Variants in TIMD4 observed in about 807,000 individuals in gnomAD.
The protein encoded by TIMD4 is T-cell immunoglobulin and mucin domain-containing protein 4.
In TIMD4, 31 loss-of-function variants were observed where a neutral mutation model predicts 41.2. The observed-to-expected ratio is 0.75, with a 90% CI of 0.57 to 1.01. The LOEUF (loss-of-function observed/expected upper bound fraction) is 1.01. Among genes scored for constraint, TIMD4 ranks in the 50% least tolerant of loss-of-function variants. The pLI, the probability that TIMD4 is intolerant of heterozygous loss-of-function variation, is 0.00. For synonymous variants in TIMD4, 204 were observed against 177.1 expected, an observed-to-expected ratio of 1.15 and a Z score of -1.21; for missense variants, 479 against 472.5, an observed-to-expected ratio of 1.01 and a Z score of -0.13.
intron 8 of TIMD4, 68 bp downstream of exon 8, chr5:156,920,396 A>G (rs1013396188): frequency 9.9e-6 from 15 of 1,512,158 alleles, no homozygotes; most frequent in Non-Finnish European, 1.3e-5. Context: ...TAAACCACTG[A>G]GTAGTAGCTA....
intron 2 of TIMD4, among the ~76,000 whole-genome samples, chr5:156,952,616 T>C (rs1424840578): frequency 6.6e-6 from 1 of 152,232 alleles, no homozygotes; most frequent in African/African-American, 2.4e-5. Context: ...AGCTAAAGGT[T>C]ACTTCTGCAA....
intron 5 of TIMD4, among the ~76,000 whole-genome samples, chr5:156,930,830 G>A (rs1026204187): frequency 6.6e-6 from 1 of 152,176 alleles, no homozygotes; most frequent in Non-Finnish European, 1.5e-5. Flanking sequence ...TGGAGACTGT[G>A]GTCAGCAAAA....
At chr5:156,925,605 C>A (rs1367559363) in intron 6 of TIMD4, among the ~76,000 whole-genome samples, 1 of 152,208 alleles carries the variant, frequency 6.6e-6, no homozygotes, top group African/African-American at 2.4e-5. Context: ...ATAAAAATAG[C>A]ACCCTCAGAA....
At chr5:156,940,399 G>A (rs577512105) in intron 5 of TIMD4, among the ~76,000 whole-genome samples, 33 of 151,684 alleles carry the variant, frequency 2.2e-4, no homozygotes, top group East Asian at 9.7e-4. Flanking sequence ...AGTGAGGAGC[G>A]TCTCTGCCTG....
At chr5:156,923,682 G>A (rs1305388658) in intron 6 of TIMD4, among the ~76,000 whole-genome samples, 1 of 151,682 alleles carries the variant, frequency 6.6e-6, no homozygotes, top group Non-Finnish European at 1.5e-5. Flanking sequence ...GGGACTACAG[G>A]CATGCATCAC....
intron 5 of TIMD4, among the ~76,000 whole-genome samples, chr5:156,946,051 G>A (rs1044663830): frequency 6.6e-6 from 1 of 152,128 alleles, no homozygotes; most frequent in Non-Finnish European, 1.5e-5. Context: ...TCTGGGATTT[G>A]GTCAAGGAGG....
intron 5 of TIMD4, among the ~76,000 whole-genome samples, chr5:156,930,461 C>T (rs1460936416): frequency 6.6e-6 from 1 of 152,116 alleles, no homozygotes; most frequent in Non-Finnish European, 1.5e-5. Flanking sequence ...AGTTCAAGTG[C>T]CTTGTACCAT....
chr5:156,924,162 G>A, intron 6 of TIMD4: 2 of 428,832 alleles, frequency 4.7e-6, no homozygotes, highest in Non-Finnish European at 9.0e-6. Flanking sequence ...ACCAGCCTGA[G>A]CCTACTCACC....
At chr5:156,936,881 G>A (rs1013929927) in intron 5 of TIMD4, among the ~76,000 whole-genome samples, 7 of 149,298 alleles carry the variant, frequency 4.7e-5, no homozygotes, top group Admixed American at 1.3e-4. Context: ...GCAGTGAGCC[G>A]AGATGGCGCC....
intron 5 of TIMD4, among the ~76,000 whole-genome samples, chr5:156,928,764 C>T (rs1759394847): frequency 6.6e-6 from 1 of 152,138 alleles, no homozygotes; most frequent in Non-Finnish European, 1.5e-5. Context: ...TTTTCATATC[C>T]TAGAACTAAG....
At chr5:156,950,694 G>A (rs1164545434) in intron 3 of TIMD4, among the ~76,000 whole-genome samples, 2 of 151,688 alleles carry the variant, frequency 1.3e-5, no homozygotes, top group Admixed American at 1.3e-4. Flanking sequence ...AATTCCAGGG[G>A]AAAAAAAAGA....
Position 156,961,001 on chromosome 5 carries a change from G to C in TIMD4, c.58+2140C>G, listed in dbSNP as rs965953540. 4.6e-4 allele frequency among the ~76,000 whole-genome samples: 70 copies of C among 152,232 alleles called. 1 individual carries two copies. Among genetic ancestry groups the C allele is most frequent in the African/African-American group, 1.7e-3 (70 of 41,460 alleles). ...GCATGGCACTACGGAGGAAAGAAAG[G>C]CAGAGAGAATAGTACAAGTTTGAGA... On this transcript the variant is annotated intron_variant, in intron 1 of 8. Coordinates refer to ENST00000274532, the MANE Select transcript of TIMD4 (RefSeq NM_138379.3).
chr5:156,960,627 A>G (rs1760062549), intron 1 of TIMD4, among the ~76,000 whole-genome samples: 1 of 152,094 alleles, frequency 6.6e-6, no homozygotes, highest in South Asian at 2.1e-4. Flanking sequence ...GGCTGGTCAC[A>G]AATTCCTGAC....
intron 5 of TIMD4, among the ~76,000 whole-genome samples, chr5:156,929,003 C>A (rs1336542115): frequency 6.6e-6 from 1 of 152,188 alleles, no homozygotes; most frequent in African/African-American, 2.4e-5. Flanking sequence ...TTTGCAAACA[C>A]AAATGCTGCT....
At chr5:156,961,101 T>C (rs926385173) in intron 1 of TIMD4, among the ~76,000 whole-genome samples, 9 of 152,204 alleles carry the variant, frequency 5.9e-5, no homozygotes, top group Non-Finnish European at 1.3e-4. Flanking sequence ...TTTCTGCACA[T>C]ACAAAGAGCC....
At chr5:156,961,572 G>GT (rs1753048947) in intron 1 of TIMD4, among the ~76,000 whole-genome samples, 1 of 151,968 alleles carries the variant, frequency 6.6e-6, no homozygotes, top group East Asian at 1.9e-4. Context: ...GGAGGCCGAG[G>GT]TGAGTGGATC....
chr5:156,932,025 TAGGGA>T lies in TIMD4; in HGVS notation c.845-5718_845-5714del, dbSNP rs1759452176. ...AAAGGATATAAAACTACGCTTAGTA[TAGGGA>T]ATGAGTATGCAAATACTTAAAAATA... On this transcript the variant is annotated intron_variant, in intron 5 of 8. Transcript: ENST00000274532. 1.3e-5 allele frequency among the ~76,000 whole-genome samples: 2 copies of T among 152,180 alleles called. 1 individual carries two copies. Among genetic ancestry groups the T allele is most frequent in the African/African-American group, 4.8e-5 (2 of 41,432 alleles).
chr5:156,954,654 C>T lies in TIMD4; in HGVS notation c.161G>A (p.Trp54Ter). The change falls in exon 2 of 9, where the codon TGG becomes TAG. Residue 54 changes from tryptophan to a stop codon, truncating the protein, a stop_gained. Coordinates refer to ENST00000274532, the MANE Select transcript of TIMD4 (RefSeq NM_138379.3). LOFTEE classifies it high-confidence loss of function. ...GGAGTAGGGGCACTGGTCTTTCCCC[C>T]AGCACATGCTGTTGCTGTTGTGAGA... The part of the protein sequence containing the change: ...SWSHNSNSMC[W>*]GKDQCPYSGC... The T allele has an allele frequency of 6.2e-7, 1 of 1,614,232 alleles. No homozygotes were observed. The highest frequency in any genetic ancestry group is 8.5e-7 in the Non-Finnish European group (1 of 1,180,048).
chr5:156,961,628 C>T (rs1410881478), intron 1 of TIMD4, among the ~76,000 whole-genome samples: 1 of 144,438 alleles, frequency 6.9e-6, no homozygotes, highest in Non-Finnish European at 1.5e-5. Context: ...TATGGTGAAA[C>T]CCCGTCTCTA....
Sources: allele counts gnomAD v4.1 joint callset (sites outside exome capture counted in the v4.1 genomes callset), GRCh38; gene constraint gnomAD v4.1.1; transcripts MANE v1.5; gene names NCBI Gene and HGNC (gene_info 2026-07-23, HGNC 2026-07-21).